The following OSBP variants were observed in gnomAD, a reference collection of about 807,000 sequenced individuals.
OSBP encodes oxysterol-binding protein 1.
A neutral mutation model predicts 96.6 loss-of-function variants in OSBP; 32 were observed. The ratio of observed to expected loss-of-function variants is 0.33; its 90% CI spans 0.25 to 0.45. OSBP has a LOEUF of 0.45. Ranked by LOEUF, OSBP falls within the 20% of genes least tolerant of loss-of-function variation. The pLI is 1.00. For missense variants in OSBP, 653 were observed against 1,029.7 expected (o/e 0.63, Z 5.01); for synonymous variants, 369 against 389.6 (o/e 0.95, Z 0.62).
chr11:59,591,260 A>G (rs1234574413), intron 9 of OSBP, among the ~76,000 whole-genome samples: 2 of 152,230 alleles, frequency 1.3e-5, no homozygotes, highest in East Asian at 3.8e-4. Context: ...TCCACCATCT[A>G]TACCATGTTC....
chr11:59,578,797 G>T (rs1042699217), intron 11 of OSBP, among the ~76,000 whole-genome samples: 7 of 152,108 alleles, frequency 4.6e-5, no homozygotes, highest in Middle Eastern at 3.2e-3. Context: ...AAATAACTGA[G>T]CCATGACTTG....
chr11:59,595,955 A>AT (rs1860647102), intron 7 of OSBP, among the ~76,000 whole-genome samples: 1 of 142,620 alleles, frequency 7.0e-6, no homozygotes. Flanking sequence ...AAATAAATAA[A>AT]TAAATAAATA....
chr11:59,584,720 A>G (rs1051722777), intron 9 of OSBP, among the ~76,000 whole-genome samples: 2 of 152,220 alleles, frequency 1.3e-5, no homozygotes, highest in Non-Finnish European at 2.9e-5. Flanking sequence ...ACTTTCTTCT[A>G]AGATCAAGAA....
chr11:59,615,331 G>C lies in OSBP; in HGVS notation c.334C>G (p.Leu112Val), dbSNP rs1214101159. ...IKGYQRRWFV[L>V]SNGLLSYYRS... ...TAGTAGCTCAGGAGCCCGTTGCTCA[G>C]CACGAACCATCGCCGCTGGTAGCCT... is the stretch of plus-strand genomic sequence containing the variant. The change falls in exon 1 of 14, where the codon CTG becomes GTG. Residue 112 changes from leucine to valine, a missense_variant. Physicochemically the swap from Leu to Val is conservative, Grantham distance 32 (BLOSUM62 1). Transcript: ENST00000263847. 1 of 1,606,230 alleles carries C rather than the reference G, an allele frequency of 6.2e-7. No individual in the cohort carries two copies. Among genetic ancestry groups the C allele is most frequent in the East Asian group, 2.2e-5 (1 of 44,556 alleles).
chr11:59,595,553 T>C (rs968032071), intron 7 of OSBP, among the ~76,000 whole-genome samples: 3 of 152,282 alleles, frequency 2.0e-5, no homozygotes, highest in African/African-American at 7.2e-5. Flanking sequence ...TAAAAAACTT[T>C]GAAAACAAAG....
intron 9 of OSBP, among the ~76,000 whole-genome samples, chr11:59,584,403 G>A (rs1379629566): frequency 1.3e-5 from 2 of 152,128 alleles, no homozygotes; most frequent in Admixed American, 6.5e-5. Context: ...AAAAAACTAG[G>A]AAATTGAATT....
Position 59,576,805 on chromosome 11 carries a change from C to T in OSBP, c.2281G>A (p.Gly761Ser), listed in dbSNP as rs1259760978. The T allele has an allele frequency of 6.2e-7, 1 of 1,613,766 alleles. No individual in the cohort carries two copies. The highest frequency in any genetic ancestry group is 8.5e-7 in the Non-Finnish European group (1 of 1,179,986). ...EAEAMKATED[G>S]TPYDPYKALW... Reference sequence around the variant, plus strand: ...GAAGAGTAGAAGGGAAGTTCATTACCATCCTCTGTGGCTTTCATAGCTTCC... The same window carrying T: ...GAAGAGTAGAAGGGAAGTTCATTACTATCCTCTGTGGCTTTCATAGCTTCC... Residue 761 changes from glycine to serine, a missense_variant and splice_region_variant, in exon 13 of 14, where the codon GGC (glycine) becomes AGC (serine). By Grantham distance (56) the Gly-to-Ser change is moderately conservative. Transcript: ENST00000263847.
intron 7 of OSBP, among the ~76,000 whole-genome samples, chr11:59,598,209 A>G (rs1860681178): frequency 6.6e-6 from 1 of 152,220 alleles, no homozygotes; most frequent in Non-Finnish European, 1.5e-5. Flanking sequence ...CATTTGCTAA[A>G]TGATTTATAC....
chr11:59,606,811 T>A (rs1236852254), intron 3 of OSBP, among the ~76,000 whole-genome samples: 1 of 152,162 alleles, frequency 6.6e-6, no homozygotes, highest in Non-Finnish European at 1.5e-5. Context: ...GCCTTGCTAG[T>A]ATCATACTAA....
At chr11:59,613,425 T>C (rs920871851) in intron 1 of OSBP, among the ~76,000 whole-genome samples, 7 of 152,242 alleles carry the variant, frequency 4.6e-5, no homozygotes, top group African/African-American at 1.7e-4. Flanking sequence ...ACACTAGTAC[T>C]GATCAAAGAA....
intron 2 of OSBP, 26 bp downstream of exon 2, chr11:59,610,355 C>A: frequency 6.2e-7 from 1 of 1,602,050 alleles, no homozygotes; most frequent in South Asian, 1.1e-5. Context: ...AGAAAGTTCC[C>A]CAGGCAGGTG....
Position 59,601,345 on chromosome 11 carries a change from A to G in OSBP, c.1062T>C (p.Asp354=). The part of the protein sequence containing the change: ...CSGKGDMSDE[D]DENEFFDAPE... ...GTGCATCAAAAAATTCATTCTCATC[A>G]TCTTCATCGCTCATGTCCCCTTTGC... The change falls in exon 5 of 14, where the codon GAT becomes GAC. Residue 354 remains aspartate, a synonymous_variant. Transcript: ENST00000263847. 1 of 1,613,746 alleles carries G rather than the reference A, an allele frequency of 6.2e-7. No individual in the cohort carries two copies. The highest frequency in any genetic ancestry group is 8.5e-7 in the Non-Finnish European group (1 of 1,179,666).
chr11:59,589,402 A>G (rs912351281), intron 9 of OSBP, among the ~76,000 whole-genome samples: 2 of 151,602 alleles, frequency 1.3e-5, no homozygotes, highest in Non-Finnish European at 2.9e-5. Context: ...GAAGTTCGAG[A>G]CCAGCCTGGC....
chr11:59,604,051 T>C (rs899250270), intron 3 of OSBP, among the ~76,000 whole-genome samples: 3 of 152,150 alleles, frequency 2.0e-5, no homozygotes, highest in African/African-American at 4.8e-5. Context: ...TACTCTGGAG[T>C]TGGACCGGTA....
At chr11:59,605,475 C>T (rs944244079) in intron 3 of OSBP, among the ~76,000 whole-genome samples, 2 of 152,002 alleles carry the variant, frequency 1.3e-5, no homozygotes, top group East Asian at 1.9e-4. Flanking sequence ...TGCAGTGCTA[C>T]GATCTCAGCT....
At position 59,581,532 on chromosome 11, in the gene OSBP, A is replaced by G; in HGVS notation, c.1701T>C (p.His567=). 6.2e-7 allele frequency: 1 copy of G among 1,611,230 alleles called. No homozygotes were observed. Among genetic ancestry groups the G allele is most frequent in the Non-Finnish European group, 8.5e-7 (1 of 1,177,484 alleles). ...MPLGTIHCIF[H]ATGHHYTWKK... The stretch of plus-strand genomic sequence containing the variant: ...TCCAAGTGTAGTGGTGCCCAGTTGC[A>G]TGGAAAATACAATGAATGGTACCTG... Residue 567 remains histidine (H), a synonymous_variant, in exon 10 of 14, where the codon CAT becomes CAC. Transcript: ENST00000263847.
chr11:59,597,238 T>A (rs1341967212), intron 7 of OSBP, among the ~76,000 whole-genome samples: 1 of 151,992 alleles, frequency 6.6e-6, no homozygotes, highest in Non-Finnish European at 1.5e-5. Context: ...TTTATATTTT[T>A]AGAGAGATGT....
Position 59,578,143 on chromosome 11 carries a change from A to G in OSBP, c.2060+6T>C. ...GTATCTGGGCAGCATGCATGCTGATACTCACGGTAAAGGATTCCTTTTCCA... is the reference window on the plus strand; with the variant it reads ...GTATCTGGGCAGCATGCATGCTGATGCTCACGGTAAAGGATTCCTTTTCCA... On this transcript the variant is annotated splice_donor_region_variant and intron_variant, in intron 12 of 13. Transcript: ENST00000263847. 6.2e-7 allele frequency: 1 copy of G among 1,613,830 alleles called. No individual in the cohort carries two copies.
chr11:59,596,570 T>C (rs557654599), intron 7 of OSBP, among the ~76,000 whole-genome samples: 10 of 146,264 alleles, frequency 6.8e-5, no homozygotes, highest in South Asian at 4.2e-4. Context: ...ATACAGCTGA[T>C]GAAAAATTAG....
Sources: allele counts gnomAD v4.1 joint callset (sites outside exome capture counted in the v4.1 genomes callset), GRCh38; gene constraint gnomAD v4.1.1; transcripts MANE v1.5; gene names NCBI Gene and HGNC (gene_info 2026-07-23, HGNC 2026-07-21).